KIAA1328: variants seen among roughly 807,000 people sequenced by gnomAD.
KIAA1328 encodes the protein protein hinderin.
Under a neutral mutation model 68.1 loss-of-function variants are expected in KIAA1328, and 52 were observed. That is an observed-to-expected ratio of 0.76 (90% confidence interval 0.61 to 0.96). The LOEUF (loss-of-function observed/expected upper bound fraction) is 0.96, where lower values mean the gene tolerates loss of function less well. Among genes scored for constraint, KIAA1328 ranks in the 40% least tolerant of loss-of-function variants. The pLI is 0.00. For missense variants in KIAA1328, 641 were observed against 677.6 expected (o/e 0.95, Z 0.60); for synonymous variants, 232 against 239.4 (o/e 0.97, Z 0.28).
chr18:36,861,829 C>G (rs750379518), intron 4 of KIAA1328, among the ~76,000 whole-genome samples: 7 of 151,908 alleles, frequency 4.6e-5, no homozygotes, highest in South Asian at 2.1e-4. Context: ...CCATCACACT[C>G]AACTAATTTT....
chr18:36,835,698 T>A (rs559880513), intron 3 of KIAA1328, among the ~76,000 whole-genome samples: 2 of 152,344 alleles, frequency 1.3e-5, no homozygotes, highest in African/African-American at 4.8e-5. Flanking sequence ...TAATTAGGCA[T>A]CCTTTTTGAT....
At chr18:36,951,565 G>T (rs2051162682) in intron 5 of KIAA1328, among the ~76,000 whole-genome samples, 1 of 152,122 alleles carries the variant, frequency 6.6e-6, no homozygotes, top group South Asian at 2.1e-4. Flanking sequence ...ACTCCCAAAT[G>T]TCTATTTCTA....
chr18:36,947,938 C>A (rs1289659758), intron 5 of KIAA1328, among the ~76,000 whole-genome samples: 1 of 151,982 alleles, frequency 6.6e-6, no homozygotes, highest in Non-Finnish European at 1.5e-5. Context: ...GTCTTAAGAT[C>A]TCTGTTTTAA....
intron 6 of KIAA1328, among the ~76,000 whole-genome samples, chr18:36,979,920 G>A (rs2052617749): frequency 6.6e-6 from 1 of 152,144 alleles, no homozygotes; most frequent in South Asian, 2.1e-4. Context: ...ATTGAGAGGT[G>A]GAGCTTAATG....
At chr18:36,836,364 T>C (rs1246242) in intron 3 of KIAA1328, among the ~76,000 whole-genome samples, 12,076 of 152,272 alleles carry the variant, frequency 0.079, 1,595 homozygotes, top group African/African-American at 0.27. Flanking sequence ...TAAGTTCATA[T>C]TTTTGTCCTA....
chr18:37,191,825 C>T (rs1378457650), intron 9 of KIAA1328, among the ~76,000 whole-genome samples: 1 of 152,104 alleles, frequency 6.6e-6, no homozygotes, highest in Non-Finnish European at 1.5e-5. Context: ...TTCTGGGAGC[C>T]ATCTATACTT....
intron 6 of KIAA1328, among the ~76,000 whole-genome samples, chr18:37,031,377 T>C (rs1248663304): frequency 6.6e-6 from 1 of 152,214 alleles, no homozygotes. Context: ...GATTATTATA[T>C]AGTCTTGGTG....
downstream of KIAA1328, among the ~76,000 whole-genome samples, chr18:37,228,911 G>A (rs1369980886): frequency 1.3e-5 from 2 of 152,148 alleles, no homozygotes; most frequent in African/African-American, 4.8e-5. Context: ...TGTGTTGATT[G>A]TTTTTAGTCA....
intron 6 of KIAA1328, among the ~76,000 whole-genome samples, chr18:36,984,816 G>C (rs1446218971): frequency 6.8e-6 from 1 of 146,140 alleles, no homozygotes; most frequent in Non-Finnish European, 1.5e-5. Context: ...TGAGTCAGGA[G>C]AATCACTTGA....
chr18:36,908,949 A>G (rs1166058793), intron 5 of KIAA1328, among the ~76,000 whole-genome samples: 8 of 152,132 alleles, frequency 5.3e-5, no homozygotes, highest in African/African-American at 1.7e-4. Flanking sequence ...TTCTTATCCT[A>G]GGCTTACTTA....
intron 7 of KIAA1328, among the ~76,000 whole-genome samples, chr18:37,136,048 C>A (rs568472040): frequency 6.6e-6 from 1 of 152,242 alleles, no homozygotes; most frequent in African/African-American, 2.4e-5. Flanking sequence ...GTTTTGGTTA[C>A]TGTAACCTTA....
At chr18:37,145,173 C>A (rs2058867331) in intron 7 of KIAA1328, among the ~76,000 whole-genome samples, 1 of 151,912 alleles carries the variant, frequency 6.6e-6, no homozygotes, top group South Asian at 2.1e-4. Context: ...CCACTGCATT[C>A]CTACCTGGGC....
At chr18:36,959,582 C>T in intron 6 of KIAA1328, 147 bp downstream of exon 6, 1 of 859,034 alleles carries the variant, frequency 1.2e-6, no homozygotes, top group South Asian at 1.7e-5. Context: ...TGATGTCTTT[C>T]CCTCCCCCTT....
intron 6 of KIAA1328, among the ~76,000 whole-genome samples, chr18:37,060,599 ATAAAGT>A (rs368199577): frequency 2.0e-4 from 30 of 152,196 alleles, no homozygotes; most frequent in African/African-American, 7.0e-4. Context: ...GCAGTGCCTA[ATAAAGT>A]TAAACGTATG....
intron 5 of KIAA1328, among the ~76,000 whole-genome samples, chr18:36,943,133 C>A (rs1340291977): frequency 1.3e-5 from 2 of 152,134 alleles, no homozygotes; most frequent in African/African-American, 4.8e-5. Context: ...TTGTTTGGGG[C>A]ATGTATATTG....
chr18:37,220,480 A>AT (rs1183995856), intron 9 of KIAA1328, among the ~76,000 whole-genome samples: 1 of 152,184 alleles, frequency 6.6e-6, no homozygotes, highest in African/African-American at 2.4e-5. Context: ...AAACCTGTGG[A>AT]TGTTCGCTTT....
At chr18:36,987,388 T>G (rs2052974619) in intron 6 of KIAA1328, among the ~76,000 whole-genome samples, 2 of 147,402 alleles carry the variant, frequency 1.4e-5, no homozygotes, top group Admixed American at 6.8e-5. Flanking sequence ...TAATGCTAGA[T>G]GACACGTTAG....
intron 7 of KIAA1328, among the ~76,000 whole-genome samples, chr18:37,105,443 A>AATGCTTACT: frequency 6.6e-6 from 1 of 150,944 alleles, no homozygotes; most frequent in Non-Finnish European, 1.5e-5. Flanking sequence ...GTAAGCTATG[A>AATGCTTACT]ATGCTGCACT....
chr18:36,935,889 A>T (rs2050481046), intron 5 of KIAA1328, among the ~76,000 whole-genome samples: 1 of 152,152 alleles, frequency 6.6e-6, no homozygotes, highest in Non-Finnish European at 1.5e-5. Context: ...AGATATAATA[A>T]TGGGTGTCAG....
Sources: allele counts gnomAD v4.1 joint callset (sites outside exome capture counted in the v4.1 genomes callset), GRCh38; gene constraint gnomAD v4.1.1; transcripts MANE v1.5; gene names NCBI Gene and HGNC (gene_info 2026-07-23, HGNC 2026-07-21).